Variants in RALGAPA2 observed in about 807,000 individuals in gnomAD.
RALGAPA2 encodes the protein Ral GTPase activating protein catalytic subunit alpha 2.
Under a neutral mutation model 230.4 loss-of-function variants are expected in RALGAPA2, and 139 were observed. The ratio of observed to expected loss-of-function variants is 0.60; its 90% CI spans 0.53 to 0.69. RALGAPA2 has a LOEUF of 0.69. RALGAPA2 is among the 30% of genes least tolerant of loss of function. RALGAPA2 has a pLI of 0.00. For synonymous variants in RALGAPA2, 847 were observed against 837.8 expected, an observed-to-expected ratio of 1.01 and a Z score of -0.19; for missense variants, 2,163 against 2,276.0, an observed-to-expected ratio of 0.95 and a Z score of 1.01.
chr20:20,422,702 A>G (rs2060301468), intron 37 of RALGAPA2, among the ~76,000 whole-genome samples: 1 of 152,230 alleles, frequency 6.6e-6, no homozygotes, highest in African/African-American at 2.4e-5. Flanking sequence ...GGCACAGCAA[A>G]AGCCCTCCAG....
intron 36 of RALGAPA2, among the ~76,000 whole-genome samples, chr20:20,481,197 A>C (rs1443952679): frequency 6.6e-6 from 1 of 152,266 alleles, no homozygotes; most frequent in Non-Finnish European, 1.5e-5. Context: ...ATGCCAGCAC[A>C]AGGAAGTGCC....
intron 38 of RALGAPA2, among the ~76,000 whole-genome samples, chr20:20,397,444 C>G (rs756591566): frequency 3.3e-5 from 5 of 152,216 alleles, no homozygotes; most frequent in Non-Finnish European, 5.9e-5. Flanking sequence ...TCTTCCACCC[C>G]TTCCACGCCA....
intron 4 of RALGAPA2, among the ~76,000 whole-genome samples, chr20:20,649,979 T>C (rs1294415126): frequency 6.6e-6 from 1 of 152,236 alleles, no homozygotes; most frequent in East Asian, 1.9e-4. Context: ...AAACAATTTT[T>C]TCTTTCGTAG....
At chr20:20,617,918 T>C (rs2146329508) in intron 12 of RALGAPA2, among the ~76,000 whole-genome samples, 1 of 152,240 alleles carries the variant, frequency 6.6e-6, no homozygotes, top group South Asian at 2.1e-4. Flanking sequence ...GCACTATATA[T>C]AATAAAATAG....
At chr20:20,416,060 C>A (rs1379785049) in intron 37 of RALGAPA2, among the ~76,000 whole-genome samples, 1 of 152,284 alleles carries the variant, frequency 6.6e-6, no homozygotes, top group East Asian at 1.9e-4. Context: ...ACAGCTGAGG[C>A]AAGTGGTTCC....
chr20:20,690,415 C>A (rs1051281505), intron 1 of RALGAPA2, among the ~76,000 whole-genome samples: 2 of 151,996 alleles, frequency 1.3e-5, no homozygotes, highest in Non-Finnish European at 2.9e-5. Context: ...TTGACCACCC[C>A]CTAGGTACAC....
At chr20:20,503,315 G>C (rs2062432580) in intron 35 of RALGAPA2, 36 bp downstream of exon 35, 1 of 1,458,186 alleles carries the variant, frequency 6.9e-7, no homozygotes, top group East Asian at 2.4e-5. Context: ...CTACAAACCA[G>C]GGCAGCTAAG....
chr20:20,561,837 A>T (rs1448260220), intron 23 of RALGAPA2, among the ~76,000 whole-genome samples: 1 of 152,200 alleles, frequency 6.6e-6, no homozygotes, highest in East Asian at 1.9e-4. Context: ...AGCAGTACTG[A>T]CATTTTTGGT....
intron 4 of RALGAPA2, among the ~76,000 whole-genome samples, chr20:20,652,419 GAC>G (rs1447430243): frequency 6.6e-6 from 1 of 152,090 alleles, no homozygotes; most frequent in Non-Finnish European, 1.5e-5. Context: ...CTTTCATAGA[GAC>G]AATTTTGCTG....
At chr20:20,505,815 T>A (rs1487375075) in intron 33 of RALGAPA2, among the ~76,000 whole-genome samples, 2 of 152,220 alleles carry the variant, frequency 1.3e-5, no homozygotes, top group African/African-American at 4.8e-5. Context: ...GGATGGGAAC[T>A]GTCGCAAGGC....
chr20:20,701,379 C>A (rs565073049), intron 1 of RALGAPA2, among the ~76,000 whole-genome samples: 1 of 152,292 alleles, frequency 6.6e-6, no homozygotes, highest in Admixed American at 6.5e-5. Context: ...GAAAAAGAAG[C>A]TGCTCAGGTT....
chr20:20,410,293 T>C (rs887882079), intron 38 of RALGAPA2, among the ~76,000 whole-genome samples: 5 of 152,184 alleles, frequency 3.3e-5, no homozygotes, highest in Admixed American at 6.5e-5. Flanking sequence ...AAAATATACA[T>C]AGAAAACAAA....
chr20:20,426,496 C>T (rs1020171544), intron 37 of RALGAPA2, among the ~76,000 whole-genome samples: 3 of 152,174 alleles, frequency 2.0e-5, no homozygotes, highest in Non-Finnish European at 2.9e-5. Flanking sequence ...TGTTTGCTAA[C>T]GAGTCTCTGG....
chr20:20,529,160 A>G (rs529718268), intron 27 of RALGAPA2, among the ~76,000 whole-genome samples: 3 of 152,340 alleles, frequency 2.0e-5, no homozygotes, highest in East Asian at 1.9e-4. Flanking sequence ...GTTTCCTGTT[A>G]TTAATAATGG....
intron 3 of RALGAPA2, among the ~76,000 whole-genome samples, chr20:20,675,380 T>C (rs1355939684): frequency 1.3e-5 from 2 of 152,074 alleles, no homozygotes; most frequent in African/African-American, 4.8e-5. Context: ...CCTGGAGAAC[T>C]CTCCTACTGT....
In RALGAPA2 at chr20:20,521,071, G is replaced by A. The variant is rs746027847; in HGVS notation, c.3930C>T (p.Ser1310=). ...RVLHCCVCGS[S]TYTQQSHYIL... Reference sequence around the variant, plus strand: ...TGTAGTGACTCTGTTGGGTGTACGTGCTTGAGCCACACACACAGCAGTGCA... The same window carrying A: ...TGTAGTGACTCTGTTGGGTGTACGTACTTGAGCCACACACACAGCAGTGCA... The change falls in exon 31 of 40, where the codon AGC becomes AGT. Residue 1310 remains serine (S), a synonymous_variant. Transcript: ENST00000202677. 4.3e-6 allele frequency: 7 copies of A among 1,613,132 alleles called. No individual in the cohort carries two copies. In the East Asian group the frequency reaches 1.6e-4, roughly 36 times the overall value.
rs139538112 is a variant in RALGAPA2, at chr20:20,525,542, T to G, written c.3694-644A>C. Among the ~76,000 whole-genome samples the G allele has an allele frequency of 1.5e-3, 233 of 152,350 alleles. 1 individual carries two copies. Among genetic ancestry groups the G allele is most frequent in the African/African-American group, 5.4e-3 (223 of 41,586 alleles). ...AATGAATATCACTTCTCTCTCCTTGTAATACCTCATGGGGACAAATGAAGT... is the reference window on the plus strand; with the variant it reads ...AATGAATATCACTTCTCTCTCCTTGGAATACCTCATGGGGACAAATGAAGT... On this transcript the variant is annotated intron_variant, in intron 28 of 39. Coordinates refer to ENST00000202677, the MANE Select transcript of RALGAPA2 (RefSeq NM_020343.4).
At chr20:20,582,439 G>C (rs1005970524) in intron 20 of RALGAPA2, among the ~76,000 whole-genome samples, 4 of 152,026 alleles carry the variant, frequency 2.6e-5, no homozygotes, top group Non-Finnish European at 5.9e-5. Flanking sequence ...ACAATCTGAG[G>C]TTAAAAAAGT....
rs1305638548 is a variant in RALGAPA2 at position 20,571,536 on chromosome 20, G to C, written c.3078C>G (p.Arg1026=). ...AATCTGAGTTTGGCAGAACGTCCTG[G>C]CGTCTGGTCATCATGGCACAGATCA... ...YRLICAMMTR[R]QDVLPNSDFL... The change falls in exon 23 of 40, where the codon CGC becomes CGG. Residue 1026 remains arginine, a synonymous_variant. Coordinates refer to ENST00000202677, the MANE Select transcript of RALGAPA2 (RefSeq NM_020343.4). 1 of 1,612,582 alleles carries C rather than the reference G, an allele frequency of 6.2e-7. No homozygotes were observed. The highest frequency in any genetic ancestry group is 1.3e-5 in the African/African-American group (1 of 74,900).
Sources: allele counts gnomAD v4.1 joint callset (sites outside exome capture counted in the v4.1 genomes callset), GRCh38; gene constraint gnomAD v4.1.1; transcripts MANE v1.5; gene names NCBI Gene and HGNC (gene_info 2026-07-23, HGNC 2026-07-21).